MZT2B: variants seen among roughly 807,000 people sequenced by gnomAD.
The protein encoded by MZT2B is mitotic spindle organizing protein 2B, also known as mitotic-spindle organizing protein 2B.
MZT2B carries 11 observed loss-of-function variants against 12.1 expected under a neutral mutation model. The observed-to-expected ratio is 0.91, with a 90% CI of 0.57 to 1.50. The LOEUF (loss-of-function observed/expected upper bound fraction) is 1.50. Among genes scored for constraint, MZT2B ranks in the 40% most tolerant of loss-of-function variants. The pLI is 0.00. For missense variants in MZT2B, 209 were observed against 227.7 expected (o/e 0.92, Z 0.53); for synonymous variants, 85 against 109.5 (o/e 0.78, Z 1.40).
the MZT2B span, among the ~76,000 whole-genome samples, chr2:130,202,759 C>T: frequency 3.3e-5 from 5 of 152,192 alleles, no homozygotes; most frequent in South Asian, 2.1e-4. Context: ...CCCCCAGCCC[C>T]GCCCATTCTG....
downstream of MZT2B, chr2:130,195,266 C>T (rs751695999): frequency 2.5e-6 from 4 of 1,603,878 alleles, no homozygotes; most frequent in Admixed American, 6.8e-5. Flanking sequence ...TTTTTAAGGC[C>T]TGTACTCACC....
intron 2 of MZT2B, chr2:130,184,611 G>A (rs1562910): frequency 0.96 from 943,843 of 985,402 alleles, 452,058 homozygotes; most frequent in East Asian, 1. Context: ...CCCAGAGCTC[G>A]GACCCAAGGG....
chr2:130,192,657 C>T (rs1351531907), downstream of MZT2B, among the ~76,000 whole-genome samples: 1 of 152,202 alleles, frequency 6.6e-6, no homozygotes, highest in East Asian at 1.9e-4. Context: ...GGTCCATGTG[C>T]CTGCCTAAGT....
At chr2:130,184,933 G>A (rs1317737316) in intron 2 of MZT2B, 17 of 972,642 alleles carry the variant, frequency 1.7e-5, no homozygotes, top group Non-Finnish European at 2.0e-5. Flanking sequence ...GGGAAGTCAA[G>A]GCAGGTGGAT....
the MZT2B span, among the ~76,000 whole-genome samples, chr2:130,199,256 G>A: frequency 8.2e-6 from 1 of 121,976 alleles, no homozygotes; most frequent in Non-Finnish European, 1.8e-5. Flanking sequence ...CGTAAGTGGA[G>A]AGGTTGGGCC....
At chr2:130,194,510 CA>C (rs1558783527), downstream of MZT2B, 1 of 1,509,696 alleles carries the variant, frequency 6.6e-7, no homozygotes, top group African/African-American at 1.4e-5. Context: ...GTGGAAGCCA[CA>C]CCACCAACCT....
rs1277047537 is a variant in MZT2B at position 130,182,683 on chromosome 2, T to G, written c.227T>G (p.Leu76Arg). ...NVAPLAVFQM[L>R]KSMCAGQRLA... ...GCCCCCCTCGCCGTCTTCCAGATGC[T>G]CAAGTCCATGTGTGCCGGGCAGAGG... The change falls in exon 2 of 3, where the codon CTC becomes CGC. Residue 76 changes from leucine to arginine, a missense_variant. Transcript: ENST00000281871. The G allele has an allele frequency of 1.3e-6, 2 of 1,554,300 alleles. No individual in the cohort carries two copies. The highest frequency in any genetic ancestry group is 2.4e-5 in the South Asian group (2 of 85,022).
downstream of MZT2B, among the ~76,000 whole-genome samples, chr2:130,193,090 CA>C (rs34628369): frequency 0.05 from 6,770 of 134,106 alleles, 448 homozygotes; most frequent in African/African-American, 0.16. Flanking sequence ...AAGATTGTCT[CA>C]AAAAAAAAAA....
chr2:130,184,822 C>T (rs1689997086), intron 2 of MZT2B: 7 of 985,330 alleles, frequency 7.1e-6, no homozygotes, highest in Non-Finnish European at 8.4e-6. Flanking sequence ...GAGGGTGTGG[C>T]AGGGAAGTGA....
chr2:130,182,505 C>T (rs1480964909), intron 1 of MZT2B, 53 bp downstream of exon 1: 15 of 1,541,404 alleles, frequency 9.7e-6, no homozygotes, highest in Admixed American at 5.9e-5. Flanking sequence ...CCGACCTCTG[C>T]TTTCCGGGTA....
chr2:130,197,297 G>A, the MZT2B span, among the ~76,000 whole-genome samples: 5 of 151,214 alleles, frequency 3.3e-5, no homozygotes, highest in South Asian at 1.1e-3. Flanking sequence ...GACCAGCCTG[G>A]GTAACATAGT....
At chr2:130,202,226 T>C in the MZT2B span, 3 of 1,083,742 alleles carry the variant, frequency 2.8e-6, no homozygotes, top group Non-Finnish European at 2.4e-6. Context: ...GTCCTGTGAA[T>C]TATTAAATCA....
chr2:130,190,800 C>T (rs1362007431), downstream of MZT2B: 47 of 1,352,080 alleles, frequency 3.5e-5, no homozygotes, highest in Non-Finnish European at 3.8e-5. Flanking sequence ...GTTTCTGTGC[C>T]GGTCCTGGTT....
chr2:130,190,204 G>A (rs183314288), intron 2 of MZT2B, among the ~76,000 whole-genome samples: 4 of 152,276 alleles, frequency 2.6e-5, no homozygotes, highest in East Asian at 3.9e-4. Flanking sequence ...CTTTCAAAAT[G>A]TTCCCTTGGC....
At chr2:130,198,332 C>A in the MZT2B span, 2,716 of 1,353,048 alleles carry the variant, frequency 2.0e-3, 681 homozygotes, top group African/African-American at 0.034. Flanking sequence ...TGGGCATCTG[C>A]GGGGCGGGAG....
chr2:130,202,404 C>T, the MZT2B span: 8 of 1,290,686 alleles, frequency 6.2e-6, no homozygotes, highest in African/African-American at 1.5e-5. Context: ...GAAGCAGCAC[C>T]GCATGGTGTG....
chr2:130,199,850 C>T, the MZT2B span, among the ~76,000 whole-genome samples: 1,285 of 151,274 alleles, frequency 8.5e-3, 109 homozygotes, highest in Non-Finnish European at 0.015. Context: ...AATCCCAACA[C>T]TTTGGGAGGC....
At position 130,182,263 on chromosome 2, in the gene MZT2B, C is replaced by T. The variant is rs533602859; in HGVS notation, c.-20C>T. 1.0e-5 allele frequency: 13 copies of T among 1,293,842 alleles called. No homozygotes were observed. Among genetic ancestry groups the T allele is most frequent in the East Asian group, 3.3e-5 (1 of 30,664 alleles). The allele number at this position is 1,293,842 out of a possible 1,614,324, so 80.1% of individuals were successfully genotyped here. A position where few individuals can be genotyped will look rare whatever the true frequency, so the allele number is the denominator to read the frequency against. Reference sequence around the variant, plus strand: ...AGGGGGCGCGGCGGGGCGGAGCGCACCTTTCCGCGGGCCGCGGGGATGGCG... The same window carrying T: ...AGGGGGCGCGGCGGGGCGGAGCGCATCTTTCCGCGGGCCGCGGGGATGGCG... On this transcript the variant is annotated 5_prime_UTR_variant, in exon 1 of 3. Coordinates refer to ENST00000281871, the MANE Select transcript of MZT2B (RefSeq NM_025029.5).
chr2:130,193,105 A>AG, downstream of MZT2B, among the ~76,000 whole-genome samples: 1 of 150,454 alleles, frequency 6.6e-6, no homozygotes, highest in South Asian at 2.1e-4. Context: ...AAAAAAAAAA[A>AG]TTACCCGGGC....
Sources: allele counts gnomAD v4.1 joint callset (sites outside exome capture counted in the v4.1 genomes callset), GRCh38; gene constraint gnomAD v4.1.1; transcripts MANE v1.5; gene names NCBI Gene and HGNC (gene_info 2026-07-23, HGNC 2026-07-21).